Variants in SPAG17 observed in about 807,000 individuals in gnomAD.
SPAG17 encodes sperm-associated antigen 17.
In SPAG17, 169 loss-of-function variants were observed where a neutral mutation model predicts 273.6. The observed-to-expected ratio is 0.62, with a 90% confidence interval of 0.55 to 0.70. The LOEUF (loss-of-function observed/expected upper bound fraction) is 0.70, where lower values mean the gene tolerates loss of function less well. SPAG17 is among the 30% of genes least tolerant of loss of function. The probability of loss-of-function intolerance (pLI) is 0.00; values close to 1 mark genes in which losing one functional copy is unlikely to be tolerated. For synonymous variants in SPAG17, 825 were observed against 873.2 expected (o/e 0.94, Z 0.97); for missense variants, 2,557 against 2,627.8 (o/e 0.97, Z 0.59).
chr1:118,173,115 C>T (rs185487964), intron 1 of SPAG17, among the ~76,000 whole-genome samples: 2 of 151,878 alleles, frequency 1.3e-5, no homozygotes, highest in Non-Finnish European at 2.9e-5. Context: ...AGCTCCAGTC[C>T]CTCTTTGCCC....
At chr1:118,085,034 C>T (rs1358470112) in intron 13 of SPAG17, among the ~76,000 whole-genome samples, 1 of 152,098 alleles carries the variant, frequency 6.6e-6, no homozygotes, top group Non-Finnish European at 1.5e-5. Context: ...ATATGAGCTT[C>T]CAGTAGCACT....
At chr1:118,119,521 C>A (rs1657293819) in intron 3 of SPAG17, among the ~76,000 whole-genome samples, 1 of 152,198 alleles carries the variant, frequency 6.6e-6, no homozygotes, top group African/African-American at 2.4e-5. Context: ...CAGGGACTTT[C>A]TTGGAGGCCC....
At chr1:118,164,979 G>C (rs1660095701) in intron 1 of SPAG17, among the ~76,000 whole-genome samples, 2 of 152,110 alleles carry the variant, frequency 1.3e-5, no homozygotes, top group South Asian at 4.1e-4. Context: ...GCTCAGCCTG[G>C]TCCTTTTATT....
intron 19 of SPAG17, 64 bp downstream of exon 19, chr1:118,055,669 A>T: frequency 2.5e-6 from 3 of 1,178,030 alleles, no homozygotes; most frequent in Non-Finnish European, 2.4e-6. Flanking sequence ...AGTCTTGATT[A>T]AATTAAGAGA....
intron 1 of SPAG17, among the ~76,000 whole-genome samples, chr1:118,162,958 G>A (rs1659999292): frequency 6.6e-6 from 1 of 152,058 alleles, no homozygotes; most frequent in Non-Finnish European, 1.5e-5. Context: ...TGTTATTCAT[G>A]AATATAGATA....
Position 117,983,793 on chromosome 1 carries a change from G to A in SPAG17, c.5872+18C>T. 2.0e-6 allele frequency: 3 copies of A among 1,498,960 alleles called. No homozygotes were observed. The highest frequency in any genetic ancestry group is 2.8e-6 in the Non-Finnish European group (3 of 1,079,280). 92.9% of individuals were successfully genotyped at this position (1,498,960 alleles called of 1,614,324 possible). ...TTACGGACATTTAATAGGAATATGTGCTATGCTAACATATTACCTAGATTA... is the reference window on the plus strand; with the variant it reads ...TTACGGACATTTAATAGGAATATGTACTATGCTAACATATTACCTAGATTA... On this transcript the variant is annotated intron_variant, in intron 42 of 48. Transcript: ENST00000336338.
chr1:118,007,850 T>A (rs1349465203), intron 31 of SPAG17, among the ~76,000 whole-genome samples, 194 bp downstream of exon 31: 2 of 152,150 alleles, frequency 1.3e-5, no homozygotes, highest in African/African-American at 2.4e-5. Flanking sequence ...CAGGACAATG[T>A]TTTTCTGGCA....
At chr1:118,178,593 T>C (rs961391740) in intron 1 of SPAG17, among the ~76,000 whole-genome samples, 4 of 151,896 alleles carry the variant, frequency 2.6e-5, no homozygotes, top group Non-Finnish European at 4.4e-5. Context: ...CCAGAACAAT[T>C]AGGCAAGAGA....
intron 2 of SPAG17, 31 bp downstream of exon 2, chr1:118,151,198 A>T (rs184187673): frequency 6.8e-7 from 1 of 1,478,688 alleles, no homozygotes; most frequent in Non-Finnish European, 9.0e-7. Context: ...AAAAGTCTTC[A>T]GGTGGCTTTG....
At chr1:118,107,142 GAAGACACACA>G (rs1315716571) in intron 4 of SPAG17, among the ~76,000 whole-genome samples, 1 of 152,116 alleles carries the variant, frequency 6.6e-6, no homozygotes. Flanking sequence ...GAGTTTGTCC[GAAGACACACA>G]ACTGTGGTAG....
intron 4 of SPAG17, among the ~76,000 whole-genome samples, chr1:118,103,978 T>A (rs1298752968): frequency 6.6e-6 from 1 of 152,002 alleles, no homozygotes; most frequent in Non-Finnish European, 1.5e-5. Flanking sequence ...ATGAGGTGTG[T>A]GAGGCACAGC....
intron 3 of SPAG17, among the ~76,000 whole-genome samples, chr1:118,119,099 A>G (rs75246792): frequency 0.011 from 1,723 of 152,252 alleles, 31 homozygotes; most frequent in African/African-American, 0.04. Context: ...GAAACCAAAT[A>G]TATGCATGCA....
At chr1:117,984,934 T>G (rs1656241721) in intron 40 of SPAG17, 152 bp from the exon 41 acceptor site, 1 of 615,888 alleles carries the variant, frequency 1.6e-6, no homozygotes, top group South Asian at 2.1e-5. Flanking sequence ...TTTGTCAACT[T>G]GTTTTGGTTA....
intron 43 of SPAG17, among the ~76,000 whole-genome samples, chr1:117,976,085 A>C (rs1337309008): frequency 6.6e-6 from 1 of 152,202 alleles, no homozygotes; most frequent in Non-Finnish European, 1.5e-5. Context: ...TAGCTATTAC[A>C]CAAGGAGCCC....
intron 15 of SPAG17, 113 bp downstream of exon 15, chr1:118,080,988 A>T: frequency 1.2e-6 from 1 of 839,092 alleles, no homozygotes; most frequent in Non-Finnish European, 1.9e-6. Flanking sequence ...AAGTTTAATT[A>T]ACCAAATAAC....
intron 1 of SPAG17, among the ~76,000 whole-genome samples, chr1:118,152,208 T>C (rs1029077827): frequency 4.6e-5 from 7 of 152,122 alleles, no homozygotes; most frequent in Non-Finnish European, 8.8e-5. Flanking sequence ...GAGGGCACTC[T>C]AGTCATGTGA....
At chr1:118,031,890 T>A (rs780915581) in intron 24 of SPAG17, 23 bp from the exon 25 acceptor site, 1 of 1,526,408 alleles carries the variant, frequency 6.6e-7, no homozygotes, top group Non-Finnish European at 8.9e-7. Context: ...AAAGTAAAAA[T>A]GAAGTTGATT....
intron 3 of SPAG17, among the ~76,000 whole-genome samples, chr1:118,126,905 T>A (rs921810202): frequency 2.0e-5 from 3 of 152,204 alleles, no homozygotes; most frequent in Non-Finnish European, 2.9e-5. Context: ...CTTCTGCATA[T>A]GGATATCCAG....
intron 43 of SPAG17, among the ~76,000 whole-genome samples, chr1:117,974,905 G>A (rs1371371171): frequency 6.6e-6 from 1 of 152,162 alleles, no homozygotes; most frequent in Non-Finnish European, 1.5e-5. Context: ...CTCTGGCAGT[G>A]ATAATCTTGG....
Sources: gnomAD v4.1 joint callset for allele counts (sites outside exome capture counted in the v4.1 genomes callset) on GRCh38, gnomAD v4.1.1 for gene constraint, MANE v1.5 for transcripts, NCBI Gene and HGNC (gene_info 2026-07-23, HGNC 2026-07-21) for gene names.